LRRC27: variants seen among roughly 807,000 people sequenced by gnomAD.
LRRC27 encodes leucine-rich repeat-containing protein 27.
A neutral mutation model predicts 55.0 loss-of-function variants in LRRC27; 57 were observed. The observed-to-expected ratio is 1.04, with a 90% confidence interval of 0.84 to 1.29. The LOEUF (loss-of-function observed/expected upper bound fraction) is 1.29, where lower values mean the gene tolerates loss of function less well. Ranked by LOEUF, LRRC27 falls within the 50% of genes most tolerant of loss-of-function variation. The pLI is 0.00. For missense variants in LRRC27, 721 were observed against 651.5 expected, an observed-to-expected ratio of 1.11 and a Z score of -1.16; for synonymous variants, 278 against 251.9, an observed-to-expected ratio of 1.10 and a Z score of -0.98.
rs779720580 is a variant in LRRC27 at position 132,333,756 on chromosome 10, G to T, written c.210+22G>T. 1.9e-6 allele frequency: 3 copies of T among 1,597,332 alleles called. No homozygotes were observed. The South Asian group carries it at 3.3e-5, about 18-fold the overall frequency. On this transcript the variant is annotated intron_variant, in intron 2 of 10. Transcript: ENST00000368614. ...TCAAGTAAGTGGGGCTGCTCCTCAG[G>T]CTGTGTGCCCACAGGTCCCCTATAG...
intron 5 of LRRC27, among the ~76,000 whole-genome samples, chr10:132,346,906 C>T (rs1361354233): frequency 3.9e-5 from 6 of 152,216 alleles, no homozygotes. Context: ...ACCCTGAGCA[C>T]GCAGCAGTCA....
At chr10:132,331,796 C>T (rs1209235924), upstream of LRRC27, 2 of 1,599,826 alleles carry the variant, frequency 1.3e-6, no homozygotes, top group Admixed American at 1.7e-5. Context: ...CTCGCGGTCT[C>T]TACTTGCCCG....
intron 7 of LRRC27, chr10:132,352,814 T>C (rs1438052678): frequency 1.3e-6 from 2 of 1,565,950 alleles, no homozygotes; most frequent in African/African-American, 1.3e-5. Context: ...TGTCCGTCTT[T>C]GCCCTGGCTT....
intron 10 of LRRC27, among the ~76,000 whole-genome samples, chr10:132,371,422 G>A (rs1239243377): frequency 6.6e-6 from 1 of 152,230 alleles, no homozygotes; most frequent in East Asian, 1.9e-4. Context: ...CCAGCCAACA[G>A]ACGTGGCCCT....
chr10:132,362,096 C>G (rs1217635436), intron 9 of LRRC27, among the ~76,000 whole-genome samples: 1 of 152,208 alleles, frequency 6.6e-6, no homozygotes, highest in Non-Finnish European at 1.5e-5. Flanking sequence ...GAAGGGGACT[C>G]AGGCAAAGTA....
intron 9 of LRRC27, 38 bp from the exon 10 acceptor site, chr10:132,365,386 G>C: frequency 6.2e-7 from 1 of 1,610,676 alleles, no homozygotes; most frequent in Non-Finnish European, 8.5e-7. Context: ...GAGAGTAAAT[G>C]TGTCAAGTCA....
chr10:132,366,454 C>T (rs2069085415), intron 10 of LRRC27: 1 of 153,212 alleles, frequency 6.5e-6, no homozygotes, highest in Admixed American at 6.5e-5. Context: ...ATGCCCACCT[C>T]CTGGTACTTG....
chr10:132,331,916 ACC>A (rs56274613), upstream of LRRC27: 2 of 617,686 alleles, frequency 3.2e-6, no homozygotes, highest in African/African-American at 2.7e-5. Flanking sequence ...GCGCACCACA[ACC>A]CCCCCACCGC....
rs1397405482 is a variant in LRRC27 at position 132,379,686 on chromosome 10, CT to C, written c.*4448del. The C allele has an allele frequency of 6.6e-6, 1 of 152,160 alleles. No individual in the cohort carries two copies. Among genetic ancestry groups the C allele is most frequent in the Non-Finnish European group, 1.5e-5 (1 of 68,028 alleles). 9.4% of individuals were successfully genotyped at this position (152,160 alleles called of 1,614,324 possible). Reference sequence around the variant, plus strand: ...CCGATTCTCTGTTGAAATTCTCCATCTTTTCATTTCCTTTATATCTCTTTTC... The same window carrying C: ...CCGATTCTCTGTTGAAATTCTCCATCTTTCATTTCCTTTATATCTCTTTTC... On this transcript the variant is annotated 3_prime_UTR_variant, in exon 11 of 11. Coordinates refer to ENST00000368614, the MANE Select transcript of LRRC27 (RefSeq NM_030626.3).
intron 8 of LRRC27, among the ~76,000 whole-genome samples, chr10:132,359,246 G>A (rs61864510): frequency 0.61 from 91,913 of 151,444 alleles, 29,316 homozygotes; most frequent in African/African-American, 0.8. Flanking sequence ...CAAGTTAAGA[G>A]CGTGTCCTTT....
chr10:132,375,186 A>G lies in LRRC27; in HGVS notation c.1537A>G (p.Asn513Asp). The part of the protein sequence containing the change: ...SLGLPAAQPQ[N>D]TFFNTKYGES... ...TGGCCTGCCGGCAGCACAGCCTCAA[A>G]ATACATTTTTTAACACAAAATATGG... Residue 513 changes from asparagine to aspartate, a missense_variant, in exon 11 of 11, where the codon AAT becomes GAT. Asn to Asp is a conservative substitution (Grantham distance 23, BLOSUM62 1). Coordinates refer to ENST00000368614, the MANE Select transcript of LRRC27 (RefSeq NM_030626.3). The G allele has an allele frequency of 6.2e-7, 1 of 1,614,116 alleles. No individual in the cohort carries two copies. Among genetic ancestry groups the G allele is most frequent in the Non-Finnish European group, 8.5e-7 (1 of 1,179,982 alleles).
rs201520549 is a variant in LRRC27 at position 132,348,051 on chromosome 10, C to A, written c.621C>A (p.Asp207Glu). The A allele has an allele frequency of 6.2e-7, 1 of 1,613,872 alleles. No individual in the cohort carries two copies. The highest frequency in any genetic ancestry group is 1.1e-5 in the South Asian group (1 of 91,076). The stretch of plus-strand genomic sequence containing the variant: ...GCCCAGGACTGGAGTTGTCTGGAGA[C>A]CACGCGTCTAACCAAGGAGCTGTGA... ...LPSPGLELSG[D>E]HASNQGAVNA... Residue 207 changes from aspartate (D) to glutamate (E), a missense_variant, in exon 6 of 11, where the codon GAC becomes GAA. Asp to Glu is a conservative substitution (Grantham distance 45). Coordinates refer to ENST00000368614, the MANE Select transcript of LRRC27 (RefSeq NM_030626.3). This position sits in a 1 kb window ranked among gnomAD's most constrained non-coding sequence, Gnocchi z 4.2.
At position 132,372,781 on chromosome 10, in the gene LRRC27, G is replaced by A. The variant is rs947548507; in HGVS notation, c.1417-2285G>A. 7.9e-5 allele frequency among the ~76,000 whole-genome samples: 12 copies of A among 152,262 alleles called. No homozygotes were observed. The highest frequency in any genetic ancestry group is 2.9e-4 in the African/African-American group (12 of 41,546). On this transcript the variant is annotated intron_variant, in intron 10 of 10. Coordinates refer to ENST00000368614, the MANE Select transcript of LRRC27 (RefSeq NM_030626.3). This position sits in a 1 kb window ranked among gnomAD's most constrained non-coding sequence, Gnocchi z 4.0. The stretch of plus-strand genomic sequence containing the variant: ...GGTCAGGTGCACAACCGACCAGGAG[G>A]GCTGGCCAGCTCCATGGCGCTGTCT...
intron 8 of LRRC27, among the ~76,000 whole-genome samples, chr10:132,360,971 C>T (rs778313532): frequency 6.6e-6 from 1 of 152,324 alleles, no homozygotes; most frequent in African/African-American, 2.4e-5. Context: ...CTGGTCACGC[C>T]GCCGTTGGGG....
intron 9 of LRRC27, among the ~76,000 whole-genome samples, chr10:132,365,051 A>T (rs2068997396): frequency 6.6e-6 from 1 of 152,266 alleles, no homozygotes; most frequent in Non-Finnish European, 1.5e-5. Context: ...GATTTAGGAA[A>T]ACCGTGTATT....
chr10:132,335,632 C>G (rs913004193), intron 2 of LRRC27, among the ~76,000 whole-genome samples: 1 of 150,992 alleles, frequency 6.6e-6, no homozygotes, highest in Non-Finnish European at 1.5e-5. Flanking sequence ...AGGGGCTGTA[C>G]GGTGCAGGTT....
chr10:132,369,664 G>C (rs1312778411), intron 10 of LRRC27, among the ~76,000 whole-genome samples: 1 of 152,198 alleles, frequency 6.6e-6, no homozygotes, highest in Non-Finnish European at 1.5e-5. Flanking sequence ...CCCACAGACT[G>C]TGCCACCCCA....
Position 132,337,672 on chromosome 10 carries a change from T to G in LRRC27, c.318T>G (p.Leu106=), listed in dbSNP as rs1380929636. Residue 106 remains leucine (L), a synonymous_variant, in exon 3 of 11, where the codon CTT becomes CTG. Transcript: ENST00000368614. ...TCCGGTACAATAGAATTAAAGCGCT[T>G]CCTTCTGGGATTGGAGCTCACCAGT... ...LDLRYNRIKA[L]PSGIGAHQHL... is the part of the protein sequence containing the mutation. The G allele has an allele frequency of 6.2e-7, 1 of 1,614,160 alleles. No individual in the cohort carries two copies. Among genetic ancestry groups the G allele is most frequent in the South Asian group, 1.1e-5 (1 of 91,076 alleles).
intron 2 of LRRC27, chr10:132,337,247 G>A: frequency 8.4e-7 from 1 of 1,189,540 alleles, no homozygotes; most frequent in African/African-American, 1.6e-5. Flanking sequence ...GACACTGAGT[G>A]TGGGGCCCCG....
Sources: gnomAD v4.1 joint callset for allele counts (sites outside exome capture counted in the v4.1 genomes callset) on GRCh38, gnomAD v4.1.1 for gene constraint, Gnocchi (gnomAD v3.1) non-coding constraint, MANE v1.5 for transcripts, NCBI Gene and HGNC (gene_info 2026-07-23, HGNC 2026-07-21) for gene names.